The following ATP6V0A4 variants were observed in gnomAD, a reference collection of about 807,000 sequenced individuals.
ATP6V0A4 encodes V-type proton ATPase 116 kDa subunit a 4.
Under a neutral mutation model 107.3 loss-of-function variants are expected in ATP6V0A4, and 86 were observed. The observed-to-expected ratio is 0.80, with a 90% confidence interval of 0.67 to 0.96. The LOEUF is 0.96. Among genes scored for constraint, ATP6V0A4 ranks in the 40% least tolerant of loss-of-function variants. The pLI is 0.00. For synonymous variants in ATP6V0A4, 353 were observed against 381.4 expected (o/e 0.93, Z 0.87); for missense variants, 908 against 1,045.6 (o/e 0.87, Z 1.81).
At position 138,734,285 on chromosome 7, in the gene ATP6V0A4, G is replaced by A. The variant is rs201215397; in HGVS notation, c.1573-31C>T. 8.3e-5 allele frequency: 134 copies of A among 1,611,558 alleles called. No homozygotes were observed. The African/African-American group carries it at 1.6e-3, about 20-fold the overall frequency. ...TGGGAAATGGGACAAAAAACCAAGT[G>A]AGAGAGAGTCTTAGAAGTTCTACTG... is the stretch of plus-strand genomic sequence containing the variant. On this transcript the variant is annotated intron_variant, in intron 15 of 21. Transcript: ENST00000310018.
rs879773709 is a variant in ATP6V0A4, at chr7:138,720,642, A to AT, written c.2139+1254dup. ...TCATTAATTCTAATTAATCAAGATA[A>AT]TTTTTTTTTTTTCCAGACAGTCTTG... On this transcript the variant is annotated intron_variant, in intron 19 of 21. Transcript: ENST00000310018. Among the ~76,000 whole-genome samples the AT allele has an allele frequency of 2.3e-3, 329 of 143,622 alleles. 2 individuals carry two copies. Among genetic ancestry groups the AT allele is most frequent in the Middle Eastern group, 6.9e-3 (2 of 288 alleles). The allele number at this position is 143,622 out of a possible 152,430, so 94.2% of individuals were successfully genotyped here.
At position 138,706,557 on chromosome 7, in the gene ATP6V0A4, A is replaced by G; in HGVS notation, c.*67T>C. ...CCCATTGAGCGCCTTGCAGGGGCTG[A>G]TATCAAAGACAAGACTGAACTTCCT... is the stretch of plus-strand genomic sequence containing the variant. On this transcript the variant is annotated 3_prime_UTR_variant, in exon 22 of 22. Coordinates refer to ENST00000310018, the MANE Select transcript of ATP6V0A4 (RefSeq NM_020632.3). The G allele has an allele frequency of 6.3e-7, 1 of 1,579,400 alleles. No homozygotes were observed. The highest frequency in any genetic ancestry group is 8.7e-7 in the Non-Finnish European group (1 of 1,151,256).
At chr7:138,732,709 G>A (rs997328514) in intron 17 of ATP6V0A4, among the ~76,000 whole-genome samples, 168 bp downstream of exon 17, 4 of 151,322 alleles carry the variant, frequency 2.6e-5, no homozygotes, top group Admixed American at 1.3e-4. Context: ...CAGGAAAATC[G>A]TTTTAACCCA....
chr7:138,721,281 G>A (rs1584896780), intron 19 of ATP6V0A4, among the ~76,000 whole-genome samples: 1 of 152,246 alleles, frequency 6.6e-6, no homozygotes, highest in Admixed American at 6.5e-5. Context: ...GCTCATGCCT[G>A]TAATCCCAGC....
chr7:138,719,980 G>A (rs967709025), intron 19 of ATP6V0A4, among the ~76,000 whole-genome samples: 5 of 151,280 alleles, frequency 3.3e-5, no homozygotes, highest in Admixed American at 6.6e-5. Context: ...AGCTGAGATC[G>A]CACCATTGCA....
At position 138,798,049 on chromosome 7, in the gene ATP6V0A4, G is replaced by C; in HGVS notation, c.-136C>G. On this transcript the variant is annotated 5_prime_UTR_variant, in exon 1 of 22. Transcript: ENST00000310018. The stretch of plus-strand genomic sequence containing the variant: ...GTCGACTCACCTGCAGCAGGCACTC[G>C]GCACAACTCCGCAGGACCGGCTCAC... The C allele has an allele frequency of 1.3e-6, 2 of 1,558,988 alleles. No homozygotes were observed. Among genetic ancestry groups the C allele is most frequent in the Non-Finnish European group, 1.7e-6 (2 of 1,151,606 alleles).
At chr7:138,764,509 A>C (rs1009017404) in intron 5 of ATP6V0A4, among the ~76,000 whole-genome samples, 4 of 152,246 alleles carry the variant, frequency 2.6e-5, no homozygotes, top group African/African-American at 9.6e-5. Flanking sequence ...TGATAATTGA[A>C]CCAGTAGCAA....
rs370194476 is a variant in ATP6V0A4 at position 138,739,639 on chromosome 7, G to C, written c.1479-6C>G. 14 of 1,613,936 alleles carry C rather than the reference G, an allele frequency of 8.7e-6. No individual in the cohort carries two copies. In the Admixed American group the frequency reaches 1.2e-4, roughly 13 times the overall value. On this transcript the variant is annotated splice_region_variant and splice_polypyrimidine_tract_variant and intron_variant, in intron 14 of 21. Coordinates refer to ENST00000310018, the MANE Select transcript of ATP6V0A4 (RefSeq NM_020632.3). ...TTTCCTCCATTACATGAGTACTTTA[G>C]AGGGAGAAAAGGAGAAAAACAAACA...
intron 10 of ATP6V0A4, 122 bp from the exon 11 acceptor site, chr7:138,752,959 G>A (rs1806309936): frequency 6.5e-7 from 1 of 1,530,172 alleles, no homozygotes; most frequent in Non-Finnish European, 8.7e-7. Context: ...CCTTTGACCT[G>A]TGGCTGTCAC....
chr7:138,718,954 G>T (rs546275650), intron 19 of ATP6V0A4, among the ~76,000 whole-genome samples: 1 of 152,182 alleles, frequency 6.6e-6, no homozygotes, highest in East Asian at 1.9e-4. Flanking sequence ...GAAGGCCGAG[G>T]CATGAGGATC....
At chr7:138,714,577 G>A (rs1562977564) in intron 20 of ATP6V0A4, among the ~76,000 whole-genome samples, 1 of 152,088 alleles carries the variant, frequency 6.6e-6, no homozygotes, top group Non-Finnish European at 1.5e-5. Context: ...CAGACAGACA[G>A]ACAGACAGGC....
At chr7:138,709,376 G>T (rs1333728085) in intron 21 of ATP6V0A4, among the ~76,000 whole-genome samples, 1 of 151,842 alleles carries the variant, frequency 6.6e-6, no homozygotes, top group African/African-American at 2.4e-5. Flanking sequence ...GAGTAAATGA[G>T]AACTAACATA....
chr7:138,797,515 C>T (rs1458526368), intron 1 of ATP6V0A4, among the ~76,000 whole-genome samples: 1 of 151,882 alleles, frequency 6.6e-6, no homozygotes, highest in Admixed American at 6.6e-5. Context: ...CCATGCCCAA[C>T]CTCAAATGCC....
Position 138,733,840 on chromosome 7 carries a change from C to T in ATP6V0A4, c.1691+296G>A, listed in dbSNP as rs13246226. ...TGATCCACCTGTCGGCCTTCCAAAG[C>T]GCTGGGATTACAGGTGTGAGACACC... On this transcript the variant is annotated intron_variant, in intron 16 of 21. Transcript: ENST00000310018. Among the ~76,000 whole-genome samples, 5,730 of 152,004 alleles carry T rather than the reference C, an allele frequency of 0.038. 289 individuals are homozygous for T. The highest frequency in any genetic ancestry group is 0.12 in the East Asian group (625 of 5,158).
At chr7:138,778,418 A>C (rs1807768526) in intron 2 of ATP6V0A4, among the ~76,000 whole-genome samples, 1 of 89,082 alleles carries the variant, frequency 1.1e-5, no homozygotes, top group Non-Finnish European at 2.5e-5. Flanking sequence ...CATCCCCAAG[A>C]CATCTCATTT....
At chr7:138,728,989 T>C (rs1804853113) in intron 17 of ATP6V0A4, 127 bp from the exon 18 acceptor site, 1 of 1,556,718 alleles carries the variant, frequency 6.4e-7, no homozygotes, top group Non-Finnish European at 8.7e-7. Context: ...AGCATTTCAA[T>C]GAATCCATTC....
chr7:138,707,413 T>C (rs2117172054), intron 21 of ATP6V0A4, among the ~76,000 whole-genome samples: 1 of 122,954 alleles, frequency 8.1e-6, no homozygotes, highest in Non-Finnish European at 1.6e-5. Flanking sequence ...TATATATATA[T>C]TTTTTGAGAC....
chr7:138,767,482 C>T (rs1304168867), intron 5 of ATP6V0A4, among the ~76,000 whole-genome samples: 1 of 152,104 alleles, frequency 6.6e-6, no homozygotes, highest in African/African-American at 2.4e-5. Context: ...GAGATCACAC[C>T]ACTGCACTCC....
At position 138,755,061 on chromosome 7, in the gene ATP6V0A4, T is replaced by C. The variant is rs78551564; in HGVS notation, c.816+628A>G. 6.2e-3 allele frequency among the ~76,000 whole-genome samples: 946 copies of C among 152,348 alleles called. 6 individuals carry two copies. Among genetic ancestry groups the C allele is most frequent in the African/African-American group, 0.021 (893 of 41,588 alleles). Reference sequence around the variant, plus strand: ...GACAGCACAGGACACATGAACCTTCTATCATAACCGAAAGTTCTATCGAAC... The same window carrying C: ...GACAGCACAGGACACATGAACCTTCCATCATAACCGAAAGTTCTATCGAAC... On this transcript the variant is annotated intron_variant, in intron 10 of 21. Transcript: ENST00000310018.
Sources: allele counts gnomAD v4.1 joint callset (sites outside exome capture counted in the v4.1 genomes callset), GRCh38; gene constraint gnomAD v4.1.1; transcripts MANE v1.5; gene names NCBI Gene and HGNC (gene_info 2026-07-23, HGNC 2026-07-21).